TBC1D30: variants seen among roughly 807,000 people sequenced by gnomAD.
TBC1D30 encodes the protein TBC1 domain family member 30, also known as TBC1 domain family, member 30.
Under a neutral mutation model 63.2 loss-of-function variants are expected in TBC1D30, and 31 were observed. That is an observed-to-expected ratio of 0.49 (90% CI 0.37 to 0.66). The LOEUF (loss-of-function observed/expected upper bound fraction) is 0.66, where lower values mean the gene tolerates loss of function less well. Among genes scored for constraint, TBC1D30 ranks in the 30% least tolerant of loss-of-function variants. The pLI, the probability that TBC1D30 is intolerant of heterozygous loss-of-function variation, is 0.00. For missense variants in TBC1D30, 810 were observed against 953.6 expected (o/e 0.85, Z 1.98); for synonymous variants, 307 against 361.5 (o/e 0.85, Z 1.71).
intron 1 of TBC1D30, among the ~76,000 whole-genome samples, chr12:64,767,871 C>A (rs941585975): frequency 6.7e-6 from 1 of 148,422 alleles, no homozygotes; most frequent in Non-Finnish European, 1.5e-5. Flanking sequence ...GAGGTCCTGG[C>A]GTGTGTCATG....
At chr12:64,848,438 C>T (rs554901591) in intron 8 of TBC1D30, among the ~76,000 whole-genome samples, 30 of 152,180 alleles carry the variant, frequency 2.0e-4, no homozygotes, top group East Asian at 5.8e-4. Context: ...CCATACCCCG[C>T]GACAGGCCCC....
rs1354673504 is a variant in TBC1D30, at chr12:64,877,566, G to A, written c.*1778G>A. 2 of 152,124 alleles carry A rather than the reference G, an allele frequency of 1.3e-5. No homozygotes were observed. The highest frequency in any genetic ancestry group is 1.3e-4 in the Admixed American group (2 of 15,264). The allele number at this position is 152,124 out of a possible 1,614,324, so 9.4% of individuals were successfully genotyped here. A position where few individuals can be genotyped will look rare whatever the true frequency, so the allele number is the denominator to read the frequency against. On this transcript the variant is annotated 3_prime_UTR_variant, in exon 12 of 12. Coordinates refer to ENST00000539867, the MANE Select transcript of TBC1D30 (RefSeq NM_015279.2). ...TGACTAATAAGTTATTGCAGTTTTG[G>A]TCTTGAATTCTGTGCCATCTGAAGT... is the stretch of plus-strand genomic sequence containing the variant.
intron 8 of TBC1D30, among the ~76,000 whole-genome samples, chr12:64,854,865 G>A (rs546581223): frequency 1.3e-5 from 2 of 152,078 alleles, no homozygotes; most frequent in Non-Finnish European, 2.9e-5. Flanking sequence ...CTAAATTTGT[G>A]TTTTTCTGTG....
exon 1 of TBC1D30, chr12:64,759,612 C>T (rs1024237806): frequency 2.9e-6 from 1 of 345,624 alleles, no homozygotes; most frequent in Non-Finnish European, 5.3e-6. Flanking sequence ...GGCGGAGAAC[C>T]GGGAAAAGGG....
At chr12:64,838,565 A>T (rs895775240) in intron 6 of TBC1D30, 118 bp from the exon 7 acceptor site, 21 of 1,010,134 alleles carry the variant, frequency 2.1e-5, no homozygotes, top group African/African-American at 3.3e-5. Context: ...TAGAAATATG[A>T]AGAAATCAGT....
intron 9 of TBC1D30, among the ~76,000 whole-genome samples, chr12:64,866,397 A>G (rs898672605): frequency 3.9e-5 from 6 of 152,144 alleles, no homozygotes; most frequent in Admixed American, 3.3e-4. Flanking sequence ...GAAGTTGGAC[A>G]GAGATGGGAG....
At chr12:64,779,245 A>G (rs1438020645), upstream of TBC1D30, 2 of 152,184 alleles carry the variant, frequency 1.3e-5, no homozygotes, top group African/African-American at 4.8e-5. Context: ...AGTCCTGCTC[A>G]TTGCAAAGTT....
chr12:64,773,681 C>G (rs915512200), intron 1 of TBC1D30, among the ~76,000 whole-genome samples: 2 of 152,208 alleles, frequency 1.3e-5, no homozygotes, highest in African/African-American at 4.8e-5. Context: ...GGTGATACTT[C>G]CAGGTACTGG....
upstream of TBC1D30, among the ~76,000 whole-genome samples, chr12:64,819,929 C>T (rs1873788588): frequency 6.6e-6 from 1 of 152,134 alleles, no homozygotes; most frequent in Non-Finnish European, 1.5e-5. Flanking sequence ...TGGGAGACAG[C>T]ACTAGATCTG....
intron 1 of TBC1D30, among the ~76,000 whole-genome samples, chr12:64,769,353 G>A (rs1314151278): frequency 6.6e-6 from 1 of 151,036 alleles, no homozygotes; most frequent in Admixed American, 6.6e-5. Context: ...TTACAGGCGT[G>A]CACCACCACG....
In TBC1D30 at chr12:64,832,292, G is replaced by T. The variant is rs567603509; in HGVS notation, c.582G>T (p.Gly194=). The T allele has an allele frequency of 2.0e-6, 3 of 1,535,960 alleles. No homozygotes were observed. In the South Asian group the frequency reaches 3.6e-5, roughly 18 times the overall value. Residue 194 remains glycine (G), a synonymous_variant, in exon 5 of 12, where the codon GGG becomes GGT. Transcript: ENST00000539867. ...TGGAAGTGATGGAAGGCAATGAAGG[G>T]GATGCCCTGAAAGTGAGTAGCAGGC... ...LILEVMEGNE[G]DALKIMIYLI... is the part of the protein sequence containing the mutation.
intron 7 of TBC1D30, among the ~76,000 whole-genome samples, chr12:64,841,912 C>T (rs935079729): frequency 1.3e-5 from 2 of 152,180 alleles, no homozygotes; most frequent in Non-Finnish European, 1.5e-5. Context: ...GGGATTAGAA[C>T]AACACTCCAG....
chr12:64,794,280 G>A (rs1872115610), intron 2 of TBC1D30, among the ~76,000 whole-genome samples: 1 of 152,160 alleles, frequency 6.6e-6, no homozygotes, highest in East Asian at 1.9e-4. Context: ...ACTGGGCCTA[G>A]ACAGGCTCTT....
At chr12:64,850,446 T>G (rs1235030595) in intron 8 of TBC1D30, among the ~76,000 whole-genome samples, 1 of 152,222 alleles carries the variant, frequency 6.6e-6, no homozygotes, top group Non-Finnish European at 1.5e-5. Flanking sequence ...TTGAGATACA[T>G]TCCATCAATA....
intron 2 of TBC1D30, among the ~76,000 whole-genome samples, chr12:64,794,063 G>A (rs1872102465): frequency 6.6e-6 from 1 of 152,170 alleles, no homozygotes; most frequent in African/African-American, 2.4e-5. Context: ...CGCTTTGATC[G>A]ACTATTCTAT....
At chr12:64,872,670 T>C (rs907481134) in intron 11 of TBC1D30, among the ~76,000 whole-genome samples, 9 of 152,218 alleles carry the variant, frequency 5.9e-5, no homozygotes, top group African/African-American at 1.9e-4. Context: ...ATGGGGACTG[T>C]ATTAGTCTGT....
chr12:64,864,812 G>C (rs2136459647), intron 9 of TBC1D30, 32 bp downstream of exon 9: 1 of 1,379,052 alleles, frequency 7.3e-7, no homozygotes, highest in Non-Finnish European at 9.9e-7. Context: ...TTGTTTTCAT[G>C]ATGGAGGACT....
Position 64,877,852 on chromosome 12 carries a change from T to C in TBC1D30, c.*2064T>C, listed in dbSNP as rs2136498647. On this transcript the variant is annotated 3_prime_UTR_variant, in exon 12 of 12. Transcript: ENST00000539867. Reference sequence around the variant, plus strand: ...CCCCTTGAGGGATGTCTGACTTGAATGGAGAATTGTTCTTTCCTCTCTTGA... The same window carrying C: ...CCCCTTGAGGGATGTCTGACTTGAACGGAGAATTGTTCTTTCCTCTCTTGA... The C allele has an allele frequency of 6.5e-6, 1 of 152,716 alleles. No individual in the cohort carries two copies. Among genetic ancestry groups the C allele is most frequent in the East Asian group, 1.9e-4 (1 of 5,206 alleles). 9.5% of individuals were successfully genotyped at this position (152,716 alleles called of 1,614,324 possible).
chr12:64,834,970 A>G (rs913533821), intron 5 of TBC1D30, among the ~76,000 whole-genome samples: 3 of 152,076 alleles, frequency 2.0e-5, no homozygotes, highest in Non-Finnish European at 4.4e-5. Flanking sequence ...GAAAAATACA[A>G]CAGTTGTCAG....
Sources: gnomAD v4.1 joint callset for allele counts (sites outside exome capture counted in the v4.1 genomes callset) on GRCh38, gnomAD v4.1.1 for gene constraint, MANE v1.5 for transcripts, NCBI Gene and HGNC (gene_info 2026-07-23, HGNC 2026-07-21) for gene names.